The following TLN2 variants were observed in gnomAD, a reference collection of about 807,000 sequenced individuals.
TLN2 encodes talin 2.
TLN2 carries 118 observed loss-of-function variants against 294.7 expected under a neutral mutation model. The ratio of observed to expected loss-of-function variants is 0.40; its 90% CI spans 0.34 to 0.47. The LOEUF (loss-of-function observed/expected upper bound fraction) is 0.47. Among genes scored for constraint, TLN2 ranks in the 20% least tolerant of loss-of-function variants. The pLI is 0.84. For missense variants in TLN2, 3,083 were observed against 3,282.2 expected (o/e 0.94, Z 1.48); for synonymous variants, 1,431 against 1,304.5 (o/e 1.10, Z -2.09).
chr15:62,408,275 G>A (rs1403664464), intron 1 of TLN2, among the ~76,000 whole-genome samples: 1 of 152,188 alleles, frequency 6.6e-6, no homozygotes, highest in African/African-American at 2.4e-5. Context: ...TATTGTTATT[G>A]TTATAAAATG....
chr15:62,760,846 C>T (rs2062617913), intron 37 of TLN2, among the ~76,000 whole-genome samples: 2 of 151,972 alleles, frequency 1.3e-5, no homozygotes, highest in African/African-American at 4.8e-5. Flanking sequence ...ACAGAGAAAA[C>T]ACGTTATGTT....
intron 1 of TLN2, among the ~76,000 whole-genome samples, chr15:62,585,519 A>T (rs1199462418): frequency 6.6e-6 from 1 of 152,120 alleles, no homozygotes; most frequent in Non-Finnish European, 1.5e-5. Context: ...GGGATGCAGG[A>T]GCAGAGTTAA....
At chr15:62,423,514 G>A (rs2034533763) in intron 1 of TLN2, among the ~76,000 whole-genome samples, 1 of 152,124 alleles carries the variant, frequency 6.6e-6, no homozygotes, top group East Asian at 1.9e-4. Context: ...ATGGTCACCC[G>A]AAACCACACA....
At chr15:62,574,326 A>G (rs2044191853) in intron 1 of TLN2, among the ~76,000 whole-genome samples, 2 of 151,954 alleles carry the variant, frequency 1.3e-5, no homozygotes, top group Non-Finnish European at 2.9e-5. Flanking sequence ...CTGTAATTCC[A>G]GTGCTTTGGG....
intron 44 of TLN2, among the ~76,000 whole-genome samples, chr15:62,782,327 GA>G: frequency 6.6e-6 from 1 of 152,332 alleles, no homozygotes; most frequent in African/African-American, 2.4e-5. Flanking sequence ...TGAAAAGCTG[GA>G]GCTGAGCCCA....
chr15:62,507,902 T>C (rs947097284), intron 1 of TLN2, among the ~76,000 whole-genome samples: 4 of 152,228 alleles, frequency 2.6e-5, no homozygotes, highest in Non-Finnish European at 5.9e-5. Context: ...TTCATAACTG[T>C]ATGTGAGATA....
At chr15:62,532,897 C>T (rs2041125764) in intron 1 of TLN2, among the ~76,000 whole-genome samples, 1 of 152,090 alleles carries the variant, frequency 6.6e-6, no homozygotes, top group African/African-American at 2.4e-5. Context: ...GTATCTAGAT[C>T]AGATGGCAGT....
chr15:62,714,395 G>C (rs1187063718), intron 22 of TLN2, among the ~76,000 whole-genome samples: 1 of 151,666 alleles, frequency 6.6e-6, no homozygotes, highest in Non-Finnish European at 1.5e-5. Flanking sequence ...GTAGAGACAG[G>C]GTTTCCCCGT....
At chr15:62,437,893 C>T (rs1431042961) in intron 1 of TLN2, among the ~76,000 whole-genome samples, 1 of 152,124 alleles carries the variant, frequency 6.6e-6, no homozygotes, top group African/African-American at 2.4e-5. Flanking sequence ...AGTCATGAAT[C>T]ATTTATGCAA....
chr15:62,697,857 A>G lies in TLN2; in HGVS notation c.1462A>G (p.Met488Val), dbSNP rs1176920138. ...GGTTGGGCAGATGCACCGAGGCCAC[A>G]TGCCGCCACTGGTGAGGCTTCCTGT... ...VMVGQMHRGH[M>V]PPLTSAQQAL... The change falls in exon 15 of 59, where the codon ATG (methionine) becomes GTG (valine). Residue 488 changes from methionine (M) to valine (V), a missense_variant. Physicochemically the swap from Met to Val is conservative, Grantham distance 21 (BLOSUM62 1). Transcript: ENST00000636159. The G allele has an allele frequency of 4.3e-6, 7 of 1,612,120 alleles. No individual in the cohort carries two copies. The East Asian group carries it at 8.9e-5, about 21-fold the overall frequency.
chr15:62,444,525 A>G (rs972715123), intron 1 of TLN2, among the ~76,000 whole-genome samples: 1 of 152,244 alleles, frequency 6.6e-6, no homozygotes, highest in African/African-American at 2.4e-5. Flanking sequence ...CTTTCTAAAG[A>G]ACCCTCATTT....
chr15:62,838,548 C>G (rs1279110277), intron 57 of TLN2, among the ~76,000 whole-genome samples: 1 of 152,240 alleles, frequency 6.6e-6, no homozygotes, highest in African/African-American at 2.4e-5. Flanking sequence ...TCTGTTAACA[C>G]ACACATCACA....
chr15:62,840,485 A>ATCGCCGCCCAG lies in TLN2; in HGVS notation c.7505_7515dup (p.Glu2506SerfsTer8). ...CAGCTTGTTGCTTTCTTTCTAGATC[A>ATCGCCGCCCAG]TCGCCGCCCAGGAAGAAATGCTAAA... is the stretch of plus-strand genomic sequence containing the variant. On this transcript the variant is annotated frameshift_variant, in exon 59 of 59. Transcript: ENST00000636159. LOFTEE classifies it high-confidence loss of function. 1.9e-6 allele frequency: 3 copies of ATCGCCGCCCAG among 1,614,130 alleles called. No individual in the cohort carries two copies. The highest frequency in any genetic ancestry group is 2.5e-6 in the Non-Finnish European group (3 of 1,180,014).
At chr15:62,478,718 C>G (rs189726927) in intron 1 of TLN2, among the ~76,000 whole-genome samples, 1 of 152,306 alleles carries the variant, frequency 6.6e-6, no homozygotes, top group East Asian at 1.9e-4. Context: ...TTTCTTGCCA[C>G]TCAGTGGGAT....
intron 52 of TLN2, among the ~76,000 whole-genome samples, chr15:62,810,931 C>T (rs1479433755): frequency 6.6e-6 from 1 of 152,146 alleles, no homozygotes; most frequent in Non-Finnish European, 1.5e-5. Context: ...GAGTGCCAAG[C>T]CCTTCATTTG....
At chr15:62,464,499 C>G (rs1159966790) in intron 1 of TLN2, among the ~76,000 whole-genome samples, 1 of 151,630 alleles carries the variant, frequency 6.6e-6, no homozygotes, top group African/African-American at 2.4e-5. Flanking sequence ...GTGCAGCAAA[C>G]CAACATAACA....
chr15:62,551,635 G>GT (rs1314852495), intron 1 of TLN2, among the ~76,000 whole-genome samples: 1 of 152,140 alleles, frequency 6.6e-6, no homozygotes, highest in African/African-American at 2.4e-5. Flanking sequence ...GGAGATGGAG[G>GT]TTGCAGTGAG....
chr15:62,663,524 A>G (rs1039590847), intron 9 of TLN2, among the ~76,000 whole-genome samples: 1 of 151,910 alleles, frequency 6.6e-6, no homozygotes. Flanking sequence ...TACATAGATA[A>G]TCAGTCAGTC....
intron 44 of TLN2, among the ~76,000 whole-genome samples, chr15:62,782,264 G>C (rs1002642769): frequency 5.9e-5 from 9 of 152,198 alleles, no homozygotes; most frequent in African/African-American, 2.2e-4. Flanking sequence ...ATTGTGCCAG[G>C]CTTGTTTAAA....
Sources: allele counts gnomAD v4.1 joint callset (sites outside exome capture counted in the v4.1 genomes callset), GRCh38; gene constraint gnomAD v4.1.1; transcripts MANE v1.5; gene names NCBI Gene and HGNC (gene_info 2026-07-23, HGNC 2026-07-21).